Variants in TBC1D20 observed in about 807,000 individuals in gnomAD.
TBC1D20 encodes the protein chromosome 20 open reading frame 140.
TBC1D20 carries 12 observed loss-of-function variants against 41.6 expected under a neutral mutation model. The observed-to-expected ratio is 0.29, with a 90% CI of 0.18 to 0.47. The LOEUF (loss-of-function observed/expected upper bound fraction) is 0.47. Among genes scored for constraint, TBC1D20 ranks in the 20% least tolerant of loss-of-function variants. The pLI, the probability that TBC1D20 is intolerant of heterozygous loss-of-function variation, is 1.00. For missense variants in TBC1D20, 421 were observed against 517.4 expected (o/e 0.81, Z 1.81); for synonymous variants, 205 against 204.8 (o/e 1.00, Z -0.01).
At chr20:459,918 G>C (rs1030563728) in intron 1 of TBC1D20, among the ~76,000 whole-genome samples, 2 of 152,112 alleles carry the variant, frequency 1.3e-5, no homozygotes, top group African/African-American at 4.8e-5. Flanking sequence ...CAGAGTAATA[G>C]GCATGTCCAA....
intron 3 of TBC1D20, among the ~76,000 whole-genome samples, chr20:442,330 G>A (rs2017251064): frequency 6.6e-6 from 1 of 152,136 alleles, no homozygotes; most frequent in South Asian, 2.1e-4. Flanking sequence ...AGCCACAGAC[G>A]GCCTCTGCCT....
chr20:457,081 CAT>C (rs2017554393), intron 1 of TBC1D20, among the ~76,000 whole-genome samples: 2 of 151,796 alleles, frequency 1.3e-5, no homozygotes, highest in Admixed American at 6.6e-5. Context: ...GGATTACAGG[CAT>C]GCACCACCAT....
At chr20:440,448 G>T (rs2017207085) in intron 5 of TBC1D20, 59 bp from the exon 6 acceptor site, 2 of 1,595,066 alleles carry the variant, frequency 1.3e-6, no homozygotes, top group Admixed American at 3.5e-5. Context: ...CCTCTCTCTG[G>T]GCCTTATAGC....
intron 1 of TBC1D20, among the ~76,000 whole-genome samples, chr20:451,877 A>G (rs149431910): frequency 1.4e-4 from 21 of 152,280 alleles, no homozygotes; most frequent in Non-Finnish European, 2.2e-4. Context: ...GAGCCTCACC[A>G]CTTGATTAGG....
intron 2 of TBC1D20, among the ~76,000 whole-genome samples, chr20:446,778 G>A (rs1006117938): frequency 3.3e-5 from 5 of 151,894 alleles, no homozygotes; most frequent in East Asian, 3.9e-4. Flanking sequence ...GACTACAGCC[G>A]TGCACCACCA....
intron 1 of TBC1D20, among the ~76,000 whole-genome samples, chr20:457,730 C>T (rs2017566026): frequency 6.6e-6 from 1 of 152,192 alleles, no homozygotes; most frequent in South Asian, 2.1e-4. Flanking sequence ...CTGGATTCAT[C>T]CCGCAAAGGA....
chr20:456,439 T>G (rs1034412173), intron 1 of TBC1D20, among the ~76,000 whole-genome samples: 2 of 152,200 alleles, frequency 1.3e-5, no homozygotes, highest in South Asian at 2.1e-4. Flanking sequence ...AGCACTGTAC[T>G]GGGGATAAAA....
At chr20:448,783 A>G (rs1372165590) in intron 1 of TBC1D20, among the ~76,000 whole-genome samples, 4 of 151,480 alleles carry the variant, frequency 2.6e-5, no homozygotes, top group African/African-American at 9.7e-5. Flanking sequence ...TCAGCCTTCC[A>G]AACAGCTGGG....
intron 1 of TBC1D20, among the ~76,000 whole-genome samples, chr20:451,139 G>A (rs532636511): frequency 2.4e-4 from 37 of 152,296 alleles, no homozygotes; most frequent in African/African-American, 7.5e-4. Context: ...AGTGGGTCAG[G>A]GCCAAGCTAA....
At chr20:462,038 C>T (rs557937303) in intron 1 of TBC1D20, among the ~76,000 whole-genome samples, 5 of 152,308 alleles carry the variant, frequency 3.3e-5, no homozygotes, top group Admixed American at 3.3e-4. Context: ...GAGTCCCAGT[C>T]CTCTCCAGAT....
chr20:453,361 C>A (rs1302211527), intron 1 of TBC1D20, among the ~76,000 whole-genome samples: 1 of 148,478 alleles, frequency 6.7e-6, no homozygotes, highest in Non-Finnish European at 1.5e-5. Context: ...GTAATCCCAG[C>A]TACTCGGGAG....
chr20:456,177 G>A (rs2122422644), intron 1 of TBC1D20, among the ~76,000 whole-genome samples: 1 of 152,144 alleles, frequency 6.6e-6, no homozygotes, highest in Non-Finnish European at 1.5e-5. Flanking sequence ...GGAGGCAGAG[G>A]CGGGTTGTAG....
rs112767330 is a variant in TBC1D20, at chr20:446,553, C to A, written c.256+1336G>T. ...ATGGGGTTTCACCATGTTGGCCGGG[C>A]TGGTCTCGAACTCCTGACCTCAAGT... On this transcript the variant is annotated intron_variant, in intron 2 of 7. Coordinates refer to ENST00000354200, the MANE Select transcript of TBC1D20 (RefSeq NM_144628.4). Among the ~76,000 whole-genome samples the A allele has an allele frequency of 9.6e-3, 1,454 of 152,226 alleles. 23 individuals are homozygous for A. Among genetic ancestry groups the A allele is most frequent in the African/African-American group, 0.033 (1,374 of 41,516 alleles).
At chr20:454,748 T>C (rs2017512918) in intron 1 of TBC1D20, among the ~76,000 whole-genome samples, 1 of 152,130 alleles carries the variant, frequency 6.6e-6, no homozygotes, top group Admixed American at 6.5e-5. Context: ...CTTGGCTCAC[T>C]GGAACCTCTG....
intron 5 of TBC1D20, chr20:440,655 A>G: frequency 2.7e-6 from 1 of 375,614 alleles, no homozygotes; most frequent in Non-Finnish European, 4.8e-6. Context: ...TACAGGAACG[A>G]GAAGCAGTTG....
intron 7 of TBC1D20, 64 bp from the exon 8 acceptor site, chr20:438,905 A>C: frequency 6.3e-7 from 1 of 1,587,346 alleles, no homozygotes; most frequent in East Asian, 2.2e-5. Context: ...GCAAAACTAC[A>C]CCACATAGGC....
chr20:447,746 G>T, intron 2 of TBC1D20, 143 bp downstream of exon 2: 1 of 535,760 alleles, frequency 1.9e-6, no homozygotes, highest in Non-Finnish European at 3.0e-6. Context: ...TATTTTCAGA[G>T]TGGGCCCAAG....
rs185079974 is a variant in TBC1D20, at chr20:456,056, T to C, written c.70+6280A>G. ...ACTTTAGGAAGCCGACGTGGGCAGA[T>C]TGCTTGACCCCAGGATTTGGAGAGC... On this transcript the variant is annotated intron_variant, in intron 1 of 7. Transcript: ENST00000354200. 3.1e-4 allele frequency among the ~76,000 whole-genome samples: 47 copies of C among 152,282 alleles called. No individual in the cohort carries two copies. The East Asian group carries it at 6.6e-3, about 21-fold the overall frequency.
chr20:451,350 G>C (rs12624656), intron 1 of TBC1D20, among the ~76,000 whole-genome samples: 3,309 of 152,228 alleles, frequency 0.022, 49 homozygotes, highest in South Asian at 0.038. Flanking sequence ...TTCGAGACCA[G>C]CCTGGCCAAC....
Sources: gnomAD v4.1 joint callset for allele counts (sites outside exome capture counted in the v4.1 genomes callset) on GRCh38, gnomAD v4.1.1 for gene constraint, MANE v1.5 for transcripts, NCBI Gene and HGNC (gene_info 2026-07-23, HGNC 2026-07-21) for gene names.